The following REC8 variants were observed in gnomAD, a reference collection of about 807,000 sequenced individuals.
REC8 encodes REC8 meiotic recombination protein.
REC8 carries 42 observed loss-of-function variants against 78.3 expected under a neutral mutation model. That is an observed-to-expected ratio of 0.54 (90% confidence interval 0.42 to 0.69). The LOEUF (loss-of-function observed/expected upper bound fraction) is 0.69. Ranked by LOEUF, REC8 falls within the 30% of genes least tolerant of loss-of-function variation. The pLI is 0.00. For missense variants in REC8, 581 were observed against 715.8 expected, an observed-to-expected ratio of 0.81 and a Z score of 2.15; for synonymous variants, 268 against 274.1, an observed-to-expected ratio of 0.98 and a Z score of 0.22.
chr14:24,178,637 G>C lies in REC8; in HGVS notation c.1028G>C (p.Arg343Thr). The C allele has an allele frequency of 6.2e-7, 1 of 1,614,084 alleles. No individual in the cohort carries two copies. The highest frequency in any genetic ancestry group is 8.5e-7 in the Non-Finnish European group (1 of 1,179,992). The change falls in exon 13 of 19, where the codon AGA (arginine) becomes ACA (threonine). Residue 343 changes from arginine (R) to threonine (T), a missense_variant. Physicochemically the swap from Arg to Thr is moderately conservative, Grantham distance 71. Transcript: ENST00000611366. ...PMVQPPERTI[R>T]GPAELFRTPT... Reference sequence around the variant, plus strand: ...GTGCAGCCGCCCGAGAGGACCATCAGAGGCCCTGCGGAGTTGTTCAGAACC... The same window carrying C: ...GTGCAGCCGCCCGAGAGGACCATCACAGGCCCTGCGGAGTTGTTCAGAACC...
chr14:24,174,574 G>A (rs1020430641), intron 5 of REC8, among the ~76,000 whole-genome samples: 4 of 152,114 alleles, frequency 2.6e-5, no homozygotes, highest in Admixed American at 2.0e-4. Flanking sequence ...CACCGTGCCT[G>A]GCACATACCC....
At chr14:24,177,050 G>T in intron 7 of REC8, 91 bp from the exon 8 acceptor site, 1 of 1,401,712 alleles carries the variant, frequency 7.1e-7, no homozygotes, top group African/African-American at 1.4e-5. Context: ...CTGGCCCTGT[G>T]GCATGCCTCT....
At chr14:24,178,305 C>T (rs2038993477) in intron 12 of REC8, 83 bp downstream of exon 12, 9 of 1,260,326 alleles carry the variant, frequency 7.1e-6, no homozygotes, top group Non-Finnish European at 1.1e-6. Context: ...TTCCAAACTC[C>T]TCAGGTGGGT....
At chr14:24,179,771 C>T (rs1167356495) in intron 17 of REC8, 29 bp from the exon 18 acceptor site, 3 of 1,614,050 alleles carry the variant, frequency 1.9e-6, no homozygotes, top group Non-Finnish European at 2.5e-6. Context: ...CGGGCTGAAG[C>T]CTCTGCTAAT....
At chr14:24,178,727 T>C in intron 13 of REC8, 50 bp from the exon 14 acceptor site, 1 of 1,612,760 alleles carries the variant, frequency 6.2e-7, no homozygotes, top group Non-Finnish European at 8.5e-7. Context: ...TCCTCATTCC[T>C]GGTGCTCCTC....
intron 5 of REC8, among the ~76,000 whole-genome samples, chr14:24,174,284 A>G (rs2038796105): frequency 1.3e-5 from 2 of 151,274 alleles, no homozygotes; most frequent in Non-Finnish European, 2.9e-5. Context: ...GCGCTGGCCT[A>G]TTATTATTAT....
At position 24,172,114 on chromosome 14, in the gene REC8, C is replaced by G; in HGVS notation, c.-439C>G. The G allele has an allele frequency of 6.0e-6, 1 of 168,046 alleles. No homozygotes were observed. Among genetic ancestry groups the G allele is most frequent in the South Asian group, 1.8e-4 (1 of 5,700 alleles). 10.4% of individuals were successfully genotyped at this position (168,046 alleles called of 1,614,324 possible). A position where few individuals can be genotyped will look rare whatever the true frequency, so the allele number is the denominator to read the frequency against. On this transcript the variant is annotated 5_prime_UTR_variant, in exon 1 of 19. Coordinates refer to ENST00000611366, the MANE Select transcript of REC8 (RefSeq NM_001048205.2). ...CAGTAGGCGGCCCGGGGCCACACCGCGGCCGCCCAAGCCAGTGCAAGGCCC... is the reference window on the plus strand; with the variant it reads ...CAGTAGGCGGCCCGGGGCCACACCGGGGCCGCCCAAGCCAGTGCAAGGCCC...
In REC8 at chr14:24,177,185, G is replaced by A. The variant is rs2038934232; in HGVS notation, c.669G>A (p.Leu223=). 1.2e-6 allele frequency: 2 copies of A among 1,614,070 alleles called. No individual in the cohort carries two copies. Among genetic ancestry groups the A allele is most frequent in the Non-Finnish European group, 1.7e-6 (2 of 1,179,984 alleles). The change falls in exon 8 of 19, where the codon CTG becomes CTA. Residue 223 remains leucine (L), a synonymous_variant. Coordinates refer to ENST00000611366, the MANE Select transcript of REC8 (RefSeq NM_001048205.2). ...AGGTCAGCCGCCGAGAACTGGACCT[G>A]CTGATCGCAGAGGAAGAAGAAGCTA... ...LPEVSRRELD[L]LIAEEEEAIL... is the part of the protein sequence containing the mutation.
intron 5 of REC8, among the ~76,000 whole-genome samples, chr14:24,174,353 C>G (rs1200263808): frequency 6.6e-6 from 1 of 152,158 alleles, no homozygotes; most frequent in African/African-American, 2.4e-5. Context: ...TCTTGGCTCA[C>G]TTCAACCTCC....
chr14:24,172,413 C>T lies in REC8; in HGVS notation c.-140C>T. 1 of 811,336 alleles carries T rather than the reference C, an allele frequency of 1.2e-6. No individual in the cohort carries two copies. Among genetic ancestry groups the T allele is most frequent in the Non-Finnish European group, 1.9e-6 (1 of 520,020 alleles). The allele number at this position is 811,336 out of a possible 1,614,324, so 50.3% of individuals were successfully genotyped here. A position where few individuals can be genotyped will look rare whatever the true frequency, so the allele number is the denominator to read the frequency against. On this transcript the variant is annotated 5_prime_UTR_variant, in exon 1 of 19. Coordinates refer to ENST00000611366, the MANE Select transcript of REC8 (RefSeq NM_001048205.2). ...TTCGTTGCCTCATTAACTTGGCTTT[C>T]TAGGTGCACCCACCTTGCCACCAGA... is the stretch of plus-strand genomic sequence containing the variant.
At chr14:24,176,113 C>G (rs1172517792) in intron 6 of REC8, among the ~76,000 whole-genome samples, 1 of 151,836 alleles carries the variant, frequency 6.6e-6, no homozygotes. Context: ...CTAGCCCAGG[C>G]TGGAGTACAG....
At chr14:24,176,397 G>A (rs2038902594) in intron 6 of REC8, among the ~76,000 whole-genome samples, 1 of 146,468 alleles carries the variant, frequency 6.8e-6, no homozygotes, top group South Asian at 2.2e-4. Flanking sequence ...CTGGAGTGCA[G>A]TGGTATGATG....
chr14:24,180,135 C>T lies in REC8; in HGVS notation c.*40C>T. 1 of 1,614,132 alleles carries T rather than the reference C, an allele frequency of 6.2e-7. No homozygotes were observed. Among genetic ancestry groups the T allele is most frequent in the Non-Finnish European group, 8.5e-7 (1 of 1,180,034 alleles). The stretch of plus-strand genomic sequence containing the variant: ...TACAAAGCTGCCAGGAAACCGGCCA[C>T]TTCTAGTAAACCACGTCGTGCCTCA... On this transcript the variant is annotated 3_prime_UTR_variant, in exon 19 of 19. Coordinates refer to ENST00000611366, the MANE Select transcript of REC8 (RefSeq NM_001048205.2).
Position 24,180,060 on chromosome 14 carries a change from C to T in REC8, c.1609C>T (p.Arg537Cys), listed in dbSNP as rs777211905. 2.7e-5 allele frequency: 44 copies of T among 1,613,988 alleles called. No individual in the cohort carries two copies. The highest frequency in any genetic ancestry group is 2.0e-4 in the East Asian group (9 of 44,898). Residue 537 changes from arginine (R) to cysteine (C), a missense_variant, in exon 19 of 19, where the codon CGC becomes TGC. By Grantham distance (180) the Arg-to-Cys change is radical (BLOSUM62 -3). Coordinates refer to ENST00000611366, the MANE Select transcript of REC8 (RefSeq NM_001048205.2). ...CGTGAAACAAGAAAAGCCATATGGT[C>T]GCCTCCTGATCCAGCCGGGGCCCAG... ...LHVKQEKPYG[R>C]LLIQPGPRFH
chr14:24,176,812 G>A lies in REC8; in HGVS notation c.545-10G>A, dbSNP rs567497772. On this transcript the variant is annotated splice_polypyrimidine_tract_variant and intron_variant, in intron 6 of 18. Coordinates refer to ENST00000611366, the MANE Select transcript of REC8 (RefSeq NM_001048205.2). Reference sequence around the variant, plus strand: ...AAGCAGAGAGGCTAGTGACTCTCTTGTCCCTCCAGAGAGGATTCCGGTCAC... The same window carrying A: ...AAGCAGAGAGGCTAGTGACTCTCTTATCCCTCCAGAGAGGATTCCGGTCAC... The A allele has an allele frequency of 2.5e-5, 40 of 1,609,608 alleles. No individual in the cohort carries two copies. In the Admixed American group the frequency reaches 4.8e-4, roughly 19 times the overall value.
rs62001573 is a variant in REC8, at chr14:24,180,208, G to T, written c.*113G>T. 1.6e-3 allele frequency: 2,573 copies of T among 1,604,130 alleles called. 4 individuals are homozygous for T. Among genetic ancestry groups the T allele is most frequent in the Non-Finnish European group, 1.8e-3 (2,097 of 1,174,396 alleles). ...CTGAATGTGCATTTCCAGCCTTCTT[G>T]CTCTCAGAGCTATTGTTCAAGCAGA... On this transcript the variant is annotated 3_prime_UTR_variant, in exon 19 of 19. Coordinates refer to ENST00000611366, the MANE Select transcript of REC8 (RefSeq NM_001048205.2).
chr14:24,178,826 G>A lies in REC8; in HGVS notation c.1113G>A (p.Gln371=), dbSNP rs1477677087. ...ELLGLWTHCA[Q]PPPKALRREL... is the part of the protein sequence containing the mutation. ...TGGGTCTCTGGACCCATTGTGCCCA[G>A]CCACCCCCAAAAGCCCTCAGGCGAG... The change falls in exon 14 of 19, where the codon CAG becomes CAA. Residue 371 remains glutamine, a synonymous_variant. Transcript: ENST00000611366. The A allele has an allele frequency of 6.2e-7, 1 of 1,613,782 alleles. No homozygotes were observed. The highest frequency in any genetic ancestry group is 1.7e-5 in the Admixed American group (1 of 60,012).
In REC8 at chr14:24,179,658, G is replaced by A. The variant is rs548604005; in HGVS notation, c.1383G>A (p.Glu461=). 1 of 1,614,234 alleles carries A rather than the reference G, an allele frequency of 6.2e-7. No individual in the cohort carries two copies. The highest frequency in any genetic ancestry group is 2.2e-5 in the East Asian group (1 of 44,890). ...PALPVVPELP[E]VPMEMPLVLP... ...TGCCCGTGGTGCCTGAACTCCCTGA[G>A]GTGCCCATGGAGATGCCTTTGGTGC... Residue 461 remains glutamate (E), a synonymous_variant, in exon 17 of 19, where the codon GAG becomes GAA. Transcript: ENST00000611366.
chr14:24,175,039 C>G (rs981269819), intron 5 of REC8, among the ~76,000 whole-genome samples: 5 of 146,920 alleles, frequency 3.4e-5, no homozygotes, highest in Admixed American at 6.9e-5. Flanking sequence ...CAGAGTCTTG[C>G]TCTGTCACCC....
Sources: gnomAD v4.1 joint callset for allele counts (sites outside exome capture counted in the v4.1 genomes callset) on GRCh38, gnomAD v4.1.1 for gene constraint, MANE v1.5 for transcripts, NCBI Gene and HGNC (gene_info 2026-07-23, HGNC 2026-07-21) for gene names.